SATL1: variants seen among roughly 807,000 people sequenced by gnomAD.
SATL1 encodes the protein spermidine/spermine N1-acetyl transferase like 1.
Under a neutral mutation model 51.8 loss-of-function variants are expected in SATL1, and 47 were observed. The observed-to-expected ratio is 0.91, with a 90% confidence interval of 0.72 to 1.16. The LOEUF (loss-of-function observed/expected upper bound fraction) is 1.16. SATL1 is among the 50% of genes most tolerant of loss of function. The probability of loss-of-function intolerance (pLI) is 0.00; values close to 1 mark genes in which losing one functional copy is unlikely to be tolerated. For synonymous variants in SATL1, 176 were observed against 182.4 expected, an observed-to-expected ratio of 0.97 and a Z score of 0.28; for missense variants, 520 against 526.4, an observed-to-expected ratio of 0.99 and a Z score of 0.12.
At chrX:85,239,001 T>C (rs1030272554) in intron 1 of SATL1, among the ~76,000 whole-genome samples, 3 of 111,219 alleles carry the variant, frequency 2.7e-5, no homozygotes, top group Non-Finnish European at 5.7e-5. Flanking sequence ...AGATGATTAA[T>C]ATCTACAAAT....
chrX:85,168,128 A>G (rs1015933485), intron 2 of SATL1, among the ~76,000 whole-genome samples: 2 of 111,309 alleles, frequency 1.8e-5, no homozygotes, highest in Admixed American at 9.6e-5. Context: ...TTGAAAGAAT[A>G]TACCTCAAAA....
At chrX:85,148,942 C>G (rs1357558761) in intron 2 of SATL1, among the ~76,000 whole-genome samples, 2 of 110,693 alleles carry the variant, frequency 1.8e-5, no homozygotes, top group Non-Finnish European at 3.8e-5. Context: ...ATCATAATGA[C>G]AGGATCAAAT....
chrX:85,145,376 A>G (rs1301056234), intron 2 of SATL1, among the ~76,000 whole-genome samples: 1 of 111,841 alleles, frequency 8.9e-6, no homozygotes, highest in Non-Finnish European at 1.9e-5. Context: ...TTACCTATCA[A>G]ATAACTGGAA....
chrX:85,107,341 A>C lies in SATL1; in HGVS notation c.1628T>G (p.Leu543Trp). 2 of 1,211,056 alleles carry C rather than the reference A, an allele frequency of 1.7e-6. No individual in the cohort carries two copies. Among genetic ancestry groups the C allele is most frequent in the Non-Finnish European group, 2.2e-6 (2 of 894,586 alleles). Reference sequence around the variant, plus strand: ...AAATAGGCTTACTTTAATCAGTCGCAAAATTTCTGGGCAGTCTCCAGCCTC... The same window carrying C: ...AAATAGGCTTACTTTAATCAGTCGCCAAATTTCTGGGCAGTCTCCAGCCTC... Reference protein sequence around the residue: ...HAEAGDCPEILRLIKELAACE... With the variant: ...HAEAGDCPEIWRLIKELAACE... Residue 543 changes from leucine (L) to tryptophan (W), a missense_variant, in exon 3 of 8, where the codon TTG becomes TGG. Physicochemically the swap from Leu to Trp is moderately conservative, Grantham distance 61. Around this residue, in one of 3 missense-constraint regions of SATL1, gnomAD observed 488 missense variants for 474.3 expected, o/e 1.03. Coordinates refer to ENST00000644105, the MANE Select transcript of SATL1 (RefSeq NM_001367857.2).
intron 2 of SATL1, among the ~76,000 whole-genome samples, chrX:85,112,614 A>G (rs1035242706): frequency 1.8e-4 from 20 of 111,224 alleles, no homozygotes; most frequent in African/African-American, 6.2e-4. Context: ...CACTTGAGGC[A>G]TTCTTCCCTT....
intron 7 of SATL1, chrX:85,092,905 TA>T: frequency 3.1e-6 from 1 of 324,678 alleles, no homozygotes; most frequent in Non-Finnish European, 5.4e-6. Flanking sequence ...TGTTTTTGAA[TA>T]AAAATGCTTT....
chrX:85,148,423 T>A (rs1264692273), intron 2 of SATL1, among the ~76,000 whole-genome samples: 2 of 109,884 alleles, frequency 1.8e-5, no homozygotes, highest in Non-Finnish European at 3.8e-5. Context: ...TTCCCCAATC[T>A]AGCAAGGCAG....
Position 85,107,833 on chromosome X carries a change from G to A in SATL1, c.1136C>T (p.Pro379Leu). Residue 379 changes from proline (P) to leucine (L), a missense_variant, in exon 3 of 8, where the codon CCA (proline) becomes CTA (leucine). This residue lies in a region of SATL1 where 488 missense variants were observed against 474.3 expected (regional missense o/e 1.03). Transcript: ENST00000644105. Reference sequence around the variant, plus strand: ...TCTCATGTCTAGTTGCCACATCACTGGTTGGCTTATACCTGATTGGTTTGT... The same window carrying A: ...TCTCATGTCTAGTTGCCACATCACTAGTTGGCTTATACCTGATTGGTTTGT... ...AGTNQSGISQ[P>L]VMWQLDMRQS... 8.3e-7 allele frequency: 1 copy of A among 1,209,797 alleles called. No homozygotes were observed. The highest frequency in any genetic ancestry group is 1.1e-6 in the Non-Finnish European group (1 of 895,234).
chrX:85,107,872 G>C lies in SATL1; in HGVS notation c.1097C>G (p.Thr366Arg). ...PSQSGPRQSSTSQAGTNQSGI... is the reference protein window; with the variant it reads ...PSQSGPRQSSRSQAGTNQSGI... Reference sequence around the variant, plus strand: ...TGATTGGTTTGTGCCTGCTTGGCTCGTGCTTGATTGTCTGGGGCCTGATTG... The same window carrying C: ...TGATTGGTTTGTGCCTGCTTGGCTCCTGCTTGATTGTCTGGGGCCTGATTG... The change falls in exon 3 of 8, where the codon ACG becomes AGG. Residue 366 changes from threonine (T) to arginine (R), a missense_variant. Around this residue, in one of 3 missense-constraint regions of SATL1, gnomAD observed 488 missense variants for 474.3 expected, o/e 1.03. Transcript: ENST00000644105. The C allele has an allele frequency of 8.3e-7, 1 of 1,211,092 alleles. No homozygotes were observed. Among genetic ancestry groups the C allele is most frequent in the Non-Finnish European group, 1.1e-6 (1 of 895,381 alleles).
At chrX:85,200,438 G>T (rs931709370) in intron 2 of SATL1, among the ~76,000 whole-genome samples, 9 of 111,968 alleles carry the variant, frequency 8.0e-5, no homozygotes, top group Non-Finnish European at 1.3e-4. Flanking sequence ...TTTAGCATTC[G>T]TAACAGAAAA....
At chrX:85,103,013 A>C (rs1924937784) in intron 4 of SATL1, among the ~76,000 whole-genome samples, 1 of 111,462 alleles carries the variant, frequency 9.0e-6, no homozygotes, top group South Asian at 3.8e-4. Flanking sequence ...AGTGTACATT[A>C]CTTTCAACTT....
chrX:85,220,194 G>A (rs1026955079), intron 2 of SATL1, among the ~76,000 whole-genome samples: 1 of 110,145 alleles, frequency 9.1e-6, no homozygotes, highest in African/African-American at 3.3e-5. Flanking sequence ...CCCACCCACA[G>A]AGGGAGCATT....
chrX:85,214,129 C>A (rs1465959671), intron 2 of SATL1, among the ~76,000 whole-genome samples: 1 of 111,692 alleles, frequency 9.0e-6, no homozygotes, highest in Non-Finnish European at 1.9e-5. Flanking sequence ...CTATAAAAAA[C>A]CCTGGGGCTG....
chrX:85,109,704 G>C (rs1342936242), intron 2 of SATL1, among the ~76,000 whole-genome samples: 1 of 111,808 alleles, frequency 8.9e-6, no homozygotes, highest in Non-Finnish European at 1.9e-5. Flanking sequence ...CAGATACTAC[G>C]TCTTTAAAAA....
At position 85,108,322 on chromosome X, in the gene SATL1, G is replaced by C; in HGVS notation, c.647C>G (p.Pro216Arg). Reference protein sequence around the residue: ...QVPSHPDMSQPGMSQQVPSQP... With the variant: ...QVPSHPDMSQRGMSQQVPSQP... ...GCTGGGGACTTGCTGGCTCATGCCTGGTTGACTCATGTCTGGGTGGCTTGG... is the reference window on the plus strand; with the variant it reads ...GCTGGGGACTTGCTGGCTCATGCCTCGTTGACTCATGTCTGGGTGGCTTGG... Residue 216 changes from proline to arginine, a missense_variant, in exon 3 of 8, where the codon CCA (proline) becomes CGA (arginine). Physicochemically the swap from Pro to Arg is moderately radical, Grantham distance 103 (BLOSUM62 -2). This residue lies in a region of SATL1 where 488 missense variants were observed against 474.3 expected (regional missense o/e 1.03). Coordinates refer to ENST00000644105, the MANE Select transcript of SATL1 (RefSeq NM_001367857.2). 1 of 1,211,433 alleles carries C rather than the reference G, an allele frequency of 8.3e-7. No homozygotes were observed. Among genetic ancestry groups the C allele is most frequent in the Non-Finnish European group, 1.1e-6 (1 of 895,424 alleles).
At chrX:85,114,147 A>G (rs1407531142) in intron 2 of SATL1, among the ~76,000 whole-genome samples, 1 of 112,378 alleles carries the variant, frequency 8.9e-6, no homozygotes, top group Non-Finnish European at 1.9e-5. Context: ...CTGTATTGTT[A>G]TAAGTTAAGA....
intron 6 of SATL1, 74 bp from the exon 7 acceptor site, chrX:85,093,299 T>C: frequency 1.0e-6 from 1 of 979,596 alleles, no homozygotes; most frequent in Non-Finnish European, 1.4e-6. Flanking sequence ...TTAAAATAAA[T>C]AATATCTAAA....
intron 2 of SATL1, among the ~76,000 whole-genome samples, chrX:85,181,206 C>CATAT (rs1407800532): frequency 2.1e-5 from 2 of 94,732 alleles, no homozygotes; most frequent in African/African-American, 7.7e-5. Context: ...TATATATACA[C>CATAT]ATATATATAT....
chrX:85,219,192 T>A (rs1020907602), intron 2 of SATL1: 1 of 111,937 alleles, frequency 8.9e-6, no homozygotes, highest in Admixed American at 9.5e-5. Context: ...AATATTAAGT[T>A]TTCTGTGGAA....
Sources: allele counts gnomAD v4.1 joint callset (sites outside exome capture counted in the v4.1 genomes callset), GRCh38; gene constraint gnomAD v4.1.1; regional missense constraint gnomAD v4.1.1; transcripts MANE v1.5; gene names NCBI Gene and HGNC (gene_info 2026-07-23, HGNC 2026-07-21).